IGF1R: variants seen among roughly 807,000 people sequenced by gnomAD.
IGF1R encodes the protein insulin like growth factor 1 receptor.
In IGF1R, 44 loss-of-function variants were observed where a neutral mutation model predicts 144.6. That is an observed-to-expected ratio of 0.30 (90% CI 0.24 to 0.39). The LOEUF (loss-of-function observed/expected upper bound fraction) is 0.39, where lower values mean the gene tolerates loss of function less well. IGF1R is among the 10% of genes least tolerant of loss of function. IGF1R has a pLI of 1.00. For synonymous variants in IGF1R, 795 were observed against 722.8 expected, an observed-to-expected ratio of 1.10 and a Z score of -1.60; for missense variants, 1,355 against 1,833.7, an observed-to-expected ratio of 0.74 and a Z score of 4.77.
intron 2 of IGF1R, among the ~76,000 whole-genome samples, chr15:98,769,532 T>A (rs1179340578): frequency 7.2e-5 from 11 of 152,216 alleles, no homozygotes. Flanking sequence ...ATCATGTCAT[T>A]CTTTTAGACT....
At chr15:98,663,605 C>T (rs555905913) in intron 1 of IGF1R, among the ~76,000 whole-genome samples, 19 of 152,302 alleles carry the variant, frequency 1.2e-4, no homozygotes, top group African/African-American at 3.1e-4. Context: ...TGTTGTTGTT[C>T]GTTTGCTGGG....
At chr15:98,944,037 C>T (rs1165679124) in intron 19 of IGF1R, among the ~76,000 whole-genome samples, 2 of 152,120 alleles carry the variant, frequency 1.3e-5, no homozygotes, top group African/African-American at 4.8e-5. Context: ...TCAGCTTGTC[C>T]AAGATGGTTA....
In IGF1R at chr15:98,911,703, A is replaced by G. The variant is rs144354547; in HGVS notation, c.1589+262A>G. ...TTAGTGAGTGATTAGAGGTGTTTGAATAAAATAAACCCAAAATGGGGAAAG... is the reference window on the plus strand; with the variant it reads ...TTAGTGAGTGATTAGAGGTGTTTGAGTAAAATAAACCCAAAATGGGGAAAG... On this transcript the variant is annotated intron_variant, in intron 7 of 20. Coordinates refer to ENST00000650285, the MANE Select transcript of IGF1R (RefSeq NM_000875.5). 7.7e-3 allele frequency among the ~76,000 whole-genome samples: 1,168 copies of G among 152,296 alleles called. 4 individuals carry two copies. Among genetic ancestry groups the G allele is most frequent in the Middle Eastern group, 0.02 (6 of 294 alleles).
chr15:98,949,270 T>A (rs1245886214), intron 20 of IGF1R, among the ~76,000 whole-genome samples: 1 of 152,082 alleles, frequency 6.6e-6, no homozygotes, highest in East Asian at 1.9e-4. Flanking sequence ...CTAAGTAACA[T>A]GCTCTCCGGA....
At chr15:98,911,771 T>C (rs1278972616) in intron 7 of IGF1R, among the ~76,000 whole-genome samples, 1 of 152,150 alleles carries the variant, frequency 6.6e-6, no homozygotes, top group Non-Finnish European at 1.5e-5. Flanking sequence ...TCATGAACGA[T>C]GATGGGGGAC....
At chr15:98,933,919 G>A (rs911342366) in intron 15 of IGF1R, among the ~76,000 whole-genome samples, 1 of 152,212 alleles carries the variant, frequency 6.6e-6, no homozygotes, top group Non-Finnish European at 1.5e-5. Flanking sequence ...ACTTGGACTA[G>A]AGTAATCCTA....
chr15:98,693,149 G>A (rs745522642), intron 1 of IGF1R, among the ~76,000 whole-genome samples: 2 of 152,154 alleles, frequency 1.3e-5, no homozygotes, highest in Non-Finnish European at 2.9e-5. Flanking sequence ...ATTTCCTGCT[G>A]TGCCATCCAG....
intron 2 of IGF1R, among the ~76,000 whole-genome samples, chr15:98,868,352 C>CAAAAAAAAAAAA (rs1567169377): frequency 1.6e-5 from 1 of 61,368 alleles, no homozygotes. Context: ...AAAGCCAAAT[C>CAAAAAAAAAAAA]TGTTGGGTTT....
intron 1 of IGF1R, among the ~76,000 whole-genome samples, chr15:98,699,997 C>G (rs2053687121): frequency 6.6e-6 from 1 of 152,168 alleles, no homozygotes; most frequent in Non-Finnish European, 1.5e-5. Context: ...TAAACATGTT[C>G]TGATTGACAC....
chr15:98,943,225 G>A (rs1403677946), intron 19 of IGF1R, among the ~76,000 whole-genome samples, 173 bp downstream of exon 19: 1 of 152,206 alleles, frequency 6.6e-6, no homozygotes, highest in Non-Finnish European at 1.5e-5. Flanking sequence ...TTGTCAGTGG[G>A]CTAGCTAAGG....
intron 13 of IGF1R, among the ~76,000 whole-genome samples, chr15:98,929,287 A>G (rs2015848442): frequency 6.6e-6 from 1 of 152,186 alleles, no homozygotes; most frequent in Admixed American, 6.5e-5. Context: ...ATTTTTCTTC[A>G]GTCTATCATT....
At chr15:98,811,700 G>A (rs2056592927) in intron 2 of IGF1R, among the ~76,000 whole-genome samples, 1 of 152,034 alleles carries the variant, frequency 6.6e-6, no homozygotes, top group African/African-American at 2.4e-5. Context: ...GCCGAGGCGG[G>A]CGGATCACGA....
rs2017150642 is a variant in IGF1R at position 98,959,773 on chromosome 15, AG to A, written c.*2332del. ...TGTGACTGAAGATTCAACACAGAAA[AG>A]AAAGTTTATACGGCTTTTTTGCTGG... On this transcript the variant is annotated 3_prime_UTR_variant, in exon 21 of 21. Coordinates refer to ENST00000650285, the MANE Select transcript of IGF1R (RefSeq NM_000875.5). 2.6e-5 allele frequency: 6 copies of A among 233,474 alleles called. No individual in the cohort carries two copies. In the East Asian group the frequency reaches 3.6e-4, roughly 14 times the overall value. 14.5% of individuals were successfully genotyped at this position (233,474 alleles called of 1,614,324 possible). A position where few individuals can be genotyped will look rare whatever the true frequency, so the allele number is the denominator to read the frequency against.
At chr15:98,772,938 C>G (rs550690473) in intron 2 of IGF1R, among the ~76,000 whole-genome samples, 1 of 152,190 alleles carries the variant, frequency 6.6e-6, no homozygotes, top group East Asian at 1.9e-4. Flanking sequence ...CATTAATACT[C>G]CTTGATTCAA....
intron 2 of IGF1R, among the ~76,000 whole-genome samples, chr15:98,723,889 A>C (rs959286441): frequency 6.6e-6 from 1 of 152,184 alleles, no homozygotes; most frequent in African/African-American, 2.4e-5. Flanking sequence ...ATTAGGACTG[A>C]ATGGATTTGA....
In IGF1R at chr15:98,963,934, G is replaced by A. The variant is rs2017326181; in HGVS notation, c.*6492G>A. 4.3e-6 allele frequency: 1 copy of A among 233,316 alleles called. No individual in the cohort carries two copies. Among genetic ancestry groups the A allele is most frequent in the Non-Finnish European group, 8.5e-6 (1 of 117,950 alleles). The allele number at this position is 233,316 out of a possible 1,614,324, so 14.5% of individuals were successfully genotyped here. ...ATCATGGGAAACACCTGGGGTTTTT[G>A]CGCTACATAGGAGAAAGATCTGGAA... is the stretch of plus-strand genomic sequence containing the variant. On this transcript the variant is annotated 3_prime_UTR_variant, in exon 21 of 21. Coordinates refer to ENST00000650285, the MANE Select transcript of IGF1R (RefSeq NM_000875.5).
chr15:98,784,726 T>C (rs1011342120), intron 2 of IGF1R, among the ~76,000 whole-genome samples: 6 of 152,118 alleles, frequency 3.9e-5, no homozygotes, highest in African/African-American at 1.4e-4. Context: ...AAAAAAAAAT[T>C]ACAATACAAC....
rs192697693 is a variant in IGF1R, at chr15:98,695,950, C to G, written c.95-11612C>G. ...CTCTTAATGTGTGGAGGCAGAAACC[C>G]AGTTTTCAGGGTCTCTCCCCTGGCC... On this transcript the variant is annotated intron_variant, in intron 1 of 20. Coordinates refer to ENST00000650285, the MANE Select transcript of IGF1R (RefSeq NM_000875.5). Among the ~76,000 whole-genome samples the G allele has an allele frequency of 9.3e-5, 14 of 149,796 alleles. No individual in the cohort carries two copies. In the East Asian group the frequency reaches 2.7e-3, roughly 29 times the overall value.
intron 1 of IGF1R, among the ~76,000 whole-genome samples, chr15:98,673,306 G>T (rs1001530489): frequency 2.6e-5 from 4 of 152,196 alleles, no homozygotes; most frequent in African/African-American, 9.7e-5. Context: ...GCCATCTTCT[G>T]GAGGCTCTTG....
Sources: allele counts gnomAD v4.1 joint callset (sites outside exome capture counted in the v4.1 genomes callset), GRCh38; gene constraint gnomAD v4.1.1; transcripts MANE v1.5; gene names NCBI Gene and HGNC (gene_info 2026-07-23, HGNC 2026-07-21).